GRAMD1B: variants seen among roughly 807,000 people sequenced by gnomAD.
GRAMD1B encodes the protein GRAM domain containing 1B.
Under a neutral mutation model 99.7 loss-of-function variants are expected in GRAMD1B, and 37 were observed. The observed-to-expected ratio is 0.37, with a 90% CI of 0.29 to 0.49. GRAMD1B has a LOEUF of 0.49. Among genes scored for constraint, GRAMD1B ranks in the 20% least tolerant of loss-of-function variants. The pLI is 0.98. For missense variants in GRAMD1B, 888 were observed against 1,009.2 expected (o/e 0.88, Z 1.63); for synonymous variants, 427 against 387.6 (o/e 1.10, Z -1.19).
At chr11:123,485,628 GA>G (rs371694913) in intron 2 of GRAMD1B, among the ~76,000 whole-genome samples, 17 of 151,930 alleles carry the variant, frequency 1.1e-4, no homozygotes, top group African/African-American at 4.1e-4. Context: ...TCAGAGATAA[GA>G]ATAATTCTTC....
intron 2 of GRAMD1B, among the ~76,000 whole-genome samples, chr11:123,488,598 A>G (rs1258144908): frequency 6.6e-6 from 1 of 152,186 alleles, no homozygotes; most frequent in African/African-American, 2.4e-5. Flanking sequence ...ACGTGTCGGA[A>G]CGGAGGTGTG....
Position 123,480,245 on chromosome 11 carries a change from G to T in GRAMD1B, c.375-571G>T, listed in dbSNP as rs11219165. Among the ~76,000 whole-genome samples the T allele has an allele frequency of 9.9e-5, 15 of 152,104 alleles. No individual in the cohort carries two copies. In the East Asian group the frequency reaches 1.7e-3, roughly 18 times the overall value. The stretch of plus-strand genomic sequence containing the variant: ...TTATTCCTTCTTCTATTTCTCATCC[G>T]CCTCAGCCTCCCCTGGAGGCAGAGT... On this transcript the variant is annotated intron_variant, in intron 1 of 19. Coordinates refer to ENST00000635736, the MANE Select transcript of GRAMD1B (RefSeq NM_001387025.1).
At chr11:123,407,811 G>A (rs1037429453) in intron 1 of GRAMD1B, among the ~76,000 whole-genome samples, 1 of 152,184 alleles carries the variant, frequency 6.6e-6, no homozygotes, top group Non-Finnish European at 1.5e-5. Context: ...TGTACTGCCT[G>A]TAAACTAAGC....
At chr11:123,461,901 C>T (rs1035744343) in intron 1 of GRAMD1B, among the ~76,000 whole-genome samples, 3 of 150,600 alleles carry the variant, frequency 2.0e-5, no homozygotes, top group African/African-American at 4.9e-5. Flanking sequence ...CCACTGCGCC[C>T]GGCCAAGATA....
chr11:123,592,452 C>T (rs1282534358), intron 4 of GRAMD1B, among the ~76,000 whole-genome samples: 1 of 152,182 alleles, frequency 6.6e-6, no homozygotes, highest in Non-Finnish European at 1.5e-5. Flanking sequence ...GGGTCTGATG[C>T]AGTGCCACAT....
intron 10 of GRAMD1B, among the ~76,000 whole-genome samples, chr11:123,605,861 C>G (rs1952646936): frequency 1.3e-5 from 2 of 152,158 alleles, no homozygotes; most frequent in Non-Finnish European, 2.9e-5. Context: ...ATTGTTTATC[C>G]ACTCATTTGG....
At chr11:123,573,923 T>C (rs190977037) in intron 2 of GRAMD1B, among the ~76,000 whole-genome samples, 157 of 152,254 alleles carry the variant, frequency 1.0e-3, no homozygotes, top group Non-Finnish European at 1.9e-3. Flanking sequence ...CTGGGTCGTG[T>C]GGGGCGTGCA....
rs1194194385 is a variant in GRAMD1B at position 123,627,378 on chromosome 11, ACT to A, written c.*4788_*4789del. The A allele has an allele frequency of 9.9e-5, 15 of 152,228 alleles. No individual in the cohort carries two copies. The highest frequency in any genetic ancestry group is 3.9e-4 in the Admixed American group (6 of 15,282). The allele number at this position is 152,228 out of a possible 1,614,324, so 9.4% of individuals were successfully genotyped here. On this transcript the variant is annotated 3_prime_UTR_variant, in exon 20 of 20. Coordinates refer to ENST00000635736, the MANE Select transcript of GRAMD1B (RefSeq NM_001387025.1). ...CTACCCTGCACTCAAGGGCCAGACC[ACT>A]CTCTGCATGGACCAGACCATCTTCC...
chr11:123,431,575 C>G (rs1948892344), intron 1 of GRAMD1B, among the ~76,000 whole-genome samples: 1 of 152,230 alleles, frequency 6.6e-6, no homozygotes, highest in South Asian at 2.1e-4. Flanking sequence ...TACTATGGCT[C>G]CCTTTCTACA....
chr11:123,372,428 G>T (rs544698373), intron 1 of GRAMD1B, among the ~76,000 whole-genome samples: 7 of 152,280 alleles, frequency 4.6e-5, no homozygotes, highest in Admixed American at 2.6e-4. Flanking sequence ...AAAACTGTCT[G>T]GGAGTAGGTT....
At chr11:123,583,082 G>A (rs1209635984) in intron 3 of GRAMD1B, among the ~76,000 whole-genome samples, 3 of 151,756 alleles carry the variant, frequency 2.0e-5, no homozygotes, top group Non-Finnish European at 4.4e-5. Flanking sequence ...GTCTCTGTGT[G>A]TATGTATGTG....
intron 1 of GRAMD1B, among the ~76,000 whole-genome samples, chr11:123,386,584 C>T (rs1232105264): frequency 6.6e-6 from 1 of 152,084 alleles, no homozygotes; most frequent in African/African-American, 2.4e-5. Flanking sequence ...ATTACAGGCA[C>T]CAGCCACCAC....
intron 2 of GRAMD1B, among the ~76,000 whole-genome samples, chr11:123,519,219 C>T (rs550585808): frequency 2.6e-5 from 4 of 152,176 alleles, no homozygotes; most frequent in Admixed American, 1.3e-4. Flanking sequence ...GGCTAGAAGG[C>T]GAGGCCAATG....
intron 2 of GRAMD1B, among the ~76,000 whole-genome samples, chr11:123,576,341 C>T (rs988324606): frequency 6.6e-6 from 1 of 152,192 alleles, no homozygotes; most frequent in Admixed American, 6.5e-5. Flanking sequence ...CCCAGCAGCC[C>T]CGTGCAGGCT....
At chr11:123,418,556 A>G (rs1270707069) in intron 1 of GRAMD1B, among the ~76,000 whole-genome samples, 1 of 152,192 alleles carries the variant, frequency 6.6e-6, no homozygotes, top group African/African-American at 2.4e-5. Context: ...TCAGGAGTGA[A>G]TGTTCTGGGC....
intron 2 of GRAMD1B, among the ~76,000 whole-genome samples, chr11:123,552,273 C>CTTTTTTTTTTTTTTTTTT (rs71060514): frequency 1.7e-4 from 20 of 119,362 alleles, no homozygotes; most frequent in East Asian, 2.4e-4. Context: ...CTCTTTCTTT[C>CTTTTTTTTTTTTTTTTTT]TTTTTTTTTT....
At chr11:123,596,526 T>C (rs757384904) in intron 7 of GRAMD1B, among the ~76,000 whole-genome samples, 1 of 152,204 alleles carries the variant, frequency 6.6e-6, no homozygotes, top group Non-Finnish European at 1.5e-5. Flanking sequence ...ATACGTTGGA[T>C]AAAATTCAGG....
intron 2 of GRAMD1B, among the ~76,000 whole-genome samples, chr11:123,518,368 T>G (rs1941874960): frequency 6.6e-6 from 1 of 152,080 alleles, no homozygotes; most frequent in Non-Finnish European, 1.5e-5. Context: ...ACAGAGCTCT[T>G]GTCTCCTCAT....
upstream of GRAMD1B, among the ~76,000 whole-genome samples, chr11:123,429,442 G>T (rs771221308): frequency 9.2e-5 from 14 of 152,060 alleles, no homozygotes; most frequent in Non-Finnish European, 1.2e-4. This position sits in a 1 kb window ranked among gnomAD's most constrained non-coding sequence, Gnocchi z 4.0. Context: ...GACTTCCTAG[G>T]TTCCATGACA....
Sources: allele counts gnomAD v4.1 joint callset (sites outside exome capture counted in the v4.1 genomes callset), GRCh38; gene constraint gnomAD v4.1.1; non-coding constraint Gnocchi (gnomAD v3.1); transcripts MANE v1.5; gene names NCBI Gene and HGNC (gene_info 2026-07-23, HGNC 2026-07-21).